Variants in ARB2A observed in about 807,000 individuals in gnomAD.
ARB2A encodes the protein cotranscriptional regulator ARB2A.
the ARB2A span, among the ~76,000 whole-genome samples, chr5:94,085,022 A>G: frequency 6.6e-6 from 1 of 152,180 alleles, no homozygotes; most frequent in Non-Finnish European, 1.5e-5. Flanking sequence ...GACAATACCA[A>G]AAGTTAAAAA....
the ARB2A span, among the ~76,000 whole-genome samples, chr5:93,848,773 T>C: frequency 6.6e-6 from 1 of 152,326 alleles, no homozygotes; most frequent in South Asian, 2.1e-4. Context: ...GCTATAAAGA[T>C]TGTTGGGAGT....
the ARB2A span, among the ~76,000 whole-genome samples, chr5:93,726,812 A>C: frequency 6.6e-6 from 1 of 152,028 alleles, no homozygotes; most frequent in African/African-American, 2.4e-5. Flanking sequence ...TCATGTATTC[A>C]TGTTTGAATT....
At chr5:93,995,008 C>CA in the ARB2A span, among the ~76,000 whole-genome samples, 3 of 151,478 alleles carry the variant, frequency 2.0e-5, no homozygotes, top group South Asian at 2.1e-4. Context: ...ATAAAATATA[C>CA]AAAAAAAATC....
At chr5:94,074,602 T>C in the ARB2A span, 100 of 1,454,278 alleles carry the variant, frequency 6.9e-5, no homozygotes, top group South Asian at 1.1e-3. Context: ...ACACCTTTAT[T>C]AGGCACAATG....
the ARB2A span, among the ~76,000 whole-genome samples, chr5:94,013,744 T>A: frequency 6.6e-6 from 1 of 151,640 alleles, no homozygotes; most frequent in East Asian, 2.0e-4. Context: ...GAAGCTAGTG[T>A]CACTCTCCCC....
chr5:94,097,517 G>A, the ARB2A span, among the ~76,000 whole-genome samples: 3 of 152,162 alleles, frequency 2.0e-5, no homozygotes, highest in Non-Finnish European at 2.9e-5. Flanking sequence ...TAGTGAATAA[G>A]TCTCACAAGA....
chr5:93,872,320 C>G, the ARB2A span, among the ~76,000 whole-genome samples: 5 of 152,152 alleles, frequency 3.3e-5, no homozygotes, highest in African/African-American at 1.2e-4. Flanking sequence ...ATGATTATCC[C>G]TAATTTATAG....
At chr5:93,763,793 TG>T in the ARB2A span, among the ~76,000 whole-genome samples, 1 of 152,108 alleles carries the variant, frequency 6.6e-6, no homozygotes, top group Admixed American at 6.5e-5. Context: ...ACCACACAGT[TG>T]GAAGTAAAGC....
At chr5:94,077,245 C>T in the ARB2A span, among the ~76,000 whole-genome samples, 5 of 151,856 alleles carry the variant, frequency 3.3e-5, no homozygotes, top group Admixed American at 6.6e-5. Context: ...TGGTGGCACA[C>T]GCCTGTAGTC....
chr5:93,968,664 A>G, the ARB2A span, among the ~76,000 whole-genome samples: 1 of 152,134 alleles, frequency 6.6e-6, no homozygotes, highest in South Asian at 2.1e-4. Flanking sequence ...ATGATGGTTG[A>G]GAATATTCCA....
At chr5:93,824,019 A>T in the ARB2A span, 2 of 632,790 alleles carry the variant, frequency 3.2e-6, no homozygotes, top group Admixed American at 3.4e-5. Flanking sequence ...TCATAAAATT[A>T]TTTACTCAAA....
chr5:94,088,224 A>G, the ARB2A span, among the ~76,000 whole-genome samples: 1 of 152,142 alleles, frequency 6.6e-6, no homozygotes, highest in African/African-American at 2.4e-5. Context: ...CTAAAACCCA[A>G]TTGATTCCTT....
the ARB2A span, among the ~76,000 whole-genome samples, chr5:94,093,536 C>T: frequency 6.6e-6 from 1 of 152,128 alleles, no homozygotes; most frequent in African/African-American, 2.4e-5. Flanking sequence ...CCTCATTTAA[C>T]CTTAATGACT....
At chr5:93,719,353 A>C in the ARB2A span, among the ~76,000 whole-genome samples, 11,074 of 152,240 alleles carry the variant, frequency 0.073, 541 homozygotes, top group African/African-American at 0.13. Flanking sequence ...TATAGAAATC[A>C]TCTACCTAAC....
the ARB2A span, among the ~76,000 whole-genome samples, chr5:93,919,049 A>G: frequency 5.3e-5 from 8 of 152,192 alleles, no homozygotes; most frequent in Admixed American, 6.5e-5. Context: ...GTTTGGTGGT[A>G]GGTATCAGGC....
the ARB2A span, among the ~76,000 whole-genome samples, chr5:93,822,971 C>T: frequency 2.0e-5 from 3 of 152,068 alleles, no homozygotes; most frequent in Non-Finnish European, 4.4e-5. Flanking sequence ...AGCAATAAGA[C>T]ATAGGGTGGT....
chr5:93,864,913 G>A, the ARB2A span, among the ~76,000 whole-genome samples: 4 of 152,078 alleles, frequency 2.6e-5, no homozygotes, highest in African/African-American at 9.7e-5. Context: ...CTGGTAAAGA[G>A]GGATTCTGGC....
chr5:93,840,584 T>C, the ARB2A span, among the ~76,000 whole-genome samples: 1 of 152,138 alleles, frequency 6.6e-6, no homozygotes, highest in African/African-American at 2.4e-5. Context: ...ATTTAACTTA[T>C]CCTTTGACAT....
chr5:93,978,501 G>T, the ARB2A span, among the ~76,000 whole-genome samples: 1 of 152,156 alleles, frequency 6.6e-6, no homozygotes, highest in South Asian at 2.1e-4. Context: ...TATCCTAAGT[G>T]AATTAATGCA....
Sources: gnomAD v4.1 joint callset for allele counts (sites outside exome capture counted in the v4.1 genomes callset) on GRCh38, gnomAD v4.1.1 for gene constraint, MANE v1.5 for transcripts, NCBI Gene and HGNC (gene_info 2026-07-23, HGNC 2026-07-21) for gene names.